Variants in TOPAZ1 observed in about 807,000 individuals in gnomAD.
TOPAZ1 encodes the protein testis and ovary specific TOPAZ 1, also known as protein TOPAZ1.
A neutral mutation model predicts 172.2 loss-of-function variants in TOPAZ1; 66 were observed. The ratio of observed to expected loss-of-function variants is 0.38; its 90% confidence interval spans 0.31 to 0.47. The LOEUF (loss-of-function observed/expected upper bound fraction) is 0.47. TOPAZ1 is among the 20% of genes least tolerant of loss of function. The pLI is 0.99. For synonymous variants in TOPAZ1, 681 were observed against 683.9 expected (o/e 1.00, Z 0.07); for missense variants, 1,822 against 1,972.4 (o/e 0.92, Z 1.44).
rs1402992878 is a variant in TOPAZ1 at position 44,245,160 on chromosome 3, C to T, written c.2654C>T (p.Thr885Ile). Residue 885 changes from threonine (T) to isoleucine (I), a missense_variant, in exon 2 of 20, where the codon ACT becomes ATT. Thr to Ile is a moderately conservative substitution (Grantham distance 89). This residue lies in a region of TOPAZ1 where 1,489 missense variants were observed against 1,490.8 expected (regional missense o/e 1.00). Coordinates refer to ENST00000309765, the MANE Select transcript of TOPAZ1 (RefSeq NM_001145030.2). ...GVSNEGELSF[T>I]SEVPKISQEP... ...TCCAATGAAGGGGAGCTCTCATTTACTTCTGAGGTCCCAAAGATAAGCCAG... is the reference window on the plus strand; with the variant it reads ...TCCAATGAAGGGGAGCTCTCATTTATTTCTGAGGTCCCAAAGATAAGCCAG... 1 of 1,551,880 alleles carries T rather than the reference C, an allele frequency of 6.4e-7. No homozygotes were observed. Among genetic ancestry groups the T allele is most frequent in the African/African-American group, 1.4e-5 (1 of 73,042 alleles).
At chr3:44,335,048 C>G (rs1415738538), downstream of TOPAZ1, among the ~76,000 whole-genome samples, 1 of 151,850 alleles carries the variant, frequency 6.6e-6, no homozygotes, top group African/African-American at 2.4e-5. Context: ...GTCCTAGGGC[C>G]CTTTTTCATC....
At chr3:44,289,688 G>T (rs1158691475) in intron 11 of TOPAZ1, among the ~76,000 whole-genome samples, 1 of 151,988 alleles carries the variant, frequency 6.6e-6, no homozygotes, top group African/African-American at 2.4e-5. Context: ...ATAATTGTGA[G>T]TTCTAACAGC....
intron 12 of TOPAZ1, among the ~76,000 whole-genome samples, chr3:44,300,594 A>AT (rs956703940): frequency 2.0e-5 from 3 of 151,960 alleles, no homozygotes; most frequent in Admixed American, 6.6e-5. Context: ...GAATAACAGA[A>AT]TTTTTTTTTA....
chr3:44,279,807 A>G (rs138084087), intron 8 of TOPAZ1, among the ~76,000 whole-genome samples: 289 of 152,300 alleles, frequency 1.9e-3, no homozygotes, highest in Middle Eastern at 6.8e-3. Flanking sequence ...ACTCCTTTAC[A>G]TTCAAGGTTA....
Position 44,321,169 on chromosome 3 carries a change from A to G in TOPAZ1, c.4449A>G (p.Leu1483=), listed in dbSNP as rs1198810331. The change falls in exon 17 of 20, where the codon CTA becomes CTG. Residue 1483 remains leucine (L), a synonymous_variant. Transcript: ENST00000309765. ...YRQTFEVLQN[L]PGFQNSQETV... is the part of the protein sequence containing the mutation. ...AGACATTTGAAGTTTTGCAGAATCTACCAGGTTTTCAAAATTCCCAAGGTA... is the reference window on the plus strand; with the variant it reads ...AGACATTTGAAGTTTTGCAGAATCTGCCAGGTTTTCAAAATTCCCAAGGTA... 3 of 1,543,208 alleles carry G rather than the reference A, an allele frequency of 1.9e-6. No homozygotes were observed. The highest frequency in any genetic ancestry group is 2.1e-5 in the Admixed American group (1 of 48,722).
At position 44,298,909 on chromosome 3, in the gene TOPAZ1, A is replaced by ATATATATT. The variant is rs1287571186; in HGVS notation, c.3798-5105_3798-5104insATATATTT. Among the ~76,000 whole-genome samples, 182 of 41,318 alleles carry ATATATATT rather than the reference A, an allele frequency of 4.4e-3. 5 individuals are homozygous for ATATATATT. Among genetic ancestry groups the ATATATATT allele is most frequent in the South Asian group, 7.8e-3 (4 of 510 alleles). The allele number at this position is 41,318 out of a possible 152,430, so 27.1% of individuals were successfully genotyped here. A position where few individuals can be genotyped will look rare whatever the true frequency, so the allele number is the denominator to read the frequency against. On this transcript the variant is annotated intron_variant, in intron 12 of 19. Transcript: ENST00000309765. ...ATATATATTATATATATATATATAT[A>ATATATATT]TTTTTTTTTTTTTTTTTTTTTTTTT...
At chr3:44,254,847 C>T in intron 2 of TOPAZ1, 121 bp from the exon 3 acceptor site, 1 of 638,138 alleles carries the variant, frequency 1.6e-6, no homozygotes, top group South Asian at 2.3e-5. Flanking sequence ...AAGTACTCTG[C>T]CCTGGAGGAC....
At chr3:44,302,592 T>C (rs957502736) in intron 12 of TOPAZ1, among the ~76,000 whole-genome samples, 3 of 152,176 alleles carry the variant, frequency 2.0e-5, no homozygotes, top group African/African-American at 2.4e-5. Context: ...GAAGCTTTAA[T>C]AGTATGTTTT....
rs1699534417 is a variant in TOPAZ1 at position 44,244,455 on chromosome 3, A to G, written c.1949A>G (p.Glu650Gly). ...NLTATSKDGQ[E>G]ANNSAGKTIH... ...ACAGCGACTTCCAAAGATGGTCAGGAAGCAAATAACTCTGCAGGCAAAACT... is the reference window on the plus strand; with the variant it reads ...ACAGCGACTTCCAAAGATGGTCAGGGAGCAAATAACTCTGCAGGCAAAACT... The change falls in exon 2 of 20, where the codon GAA becomes GGA. Residue 650 changes from glutamate (E) to glycine (G), a missense_variant. Coordinates refer to ENST00000309765, the MANE Select transcript of TOPAZ1 (RefSeq NM_001145030.2). 6.4e-7 allele frequency: 1 copy of G among 1,551,648 alleles called. No homozygotes were observed. Among genetic ancestry groups the G allele is most frequent in the Admixed American group, 2.0e-5 (1 of 50,980 alleles).
In TOPAZ1 at chr3:44,243,510, A is replaced by C. The variant is rs760061721; in HGVS notation, c.1004A>C (p.Lys335Thr). The stretch of plus-strand genomic sequence containing the variant: ...GGGCGAAAACCCAGGAAAAGGATGA[A>C]GTTGTCTGAAAAAGCAGATGAAACA... ...SVGRKPRKRM[K>T]LSEKADETVT... Residue 335 changes from lysine to threonine, a missense_variant, in exon 2 of 20, where the codon AAG becomes ACG. Coordinates refer to ENST00000309765, the MANE Select transcript of TOPAZ1 (RefSeq NM_001145030.2). 1 of 1,551,706 alleles carries C rather than the reference A, an allele frequency of 6.4e-7. No homozygotes were observed. The highest frequency in any genetic ancestry group is 2.4e-5 in the East Asian group (1 of 40,910).
chr3:44,249,312 G>A (rs1364997798), intron 2 of TOPAZ1, among the ~76,000 whole-genome samples: 2 of 152,074 alleles, frequency 1.3e-5, no homozygotes, highest in Non-Finnish European at 2.9e-5. Context: ...AGAGTAGTAG[G>A]AGTTTAGAAA....
rs1699702784 is a variant in TOPAZ1, at chr3:44,256,296, G to A, written c.2955+18G>A. 2 of 1,506,794 alleles carry A rather than the reference G, an allele frequency of 1.3e-6. No homozygotes were observed. The highest frequency in any genetic ancestry group is 2.9e-5 in the African/African-American group (2 of 69,720). 93.3% of individuals were successfully genotyped at this position (1,506,794 alleles called of 1,614,324 possible). ...ATGAAAAGGTACTAGGGGATCTTTTGTGTTTTTTTATTTCTTGGTCTTAAA... is the reference window on the plus strand; with the variant it reads ...ATGAAAAGGTACTAGGGGATCTTTTATGTTTTTTTATTTCTTGGTCTTAAA... On this transcript the variant is annotated intron_variant, in intron 4 of 19. Transcript: ENST00000309765.
chr3:44,274,561 A>AT (rs34971677), intron 8 of TOPAZ1, among the ~76,000 whole-genome samples: 67,352 of 144,292 alleles, frequency 0.47, 16,394 homozygotes, highest in East Asian at 0.8. Context: ...AAAGCCTTAA[A>AT]TTTTTTTTTT....
At chr3:44,246,894 G>T (rs1344160669) in intron 2 of TOPAZ1, among the ~76,000 whole-genome samples, 1 of 152,202 alleles carries the variant, frequency 6.6e-6, no homozygotes, top group African/African-American at 2.4e-5. Context: ...TTCCTTGGAG[G>T]AATACAAAGG....
chr3:44,333,243 A>G (rs1197804177), downstream of TOPAZ1, among the ~76,000 whole-genome samples: 1 of 152,150 alleles, frequency 6.6e-6, no homozygotes, highest in Non-Finnish European at 1.5e-5. Context: ...AAAATGCCTG[A>G]TTACTATCGA....
intron 9 of TOPAZ1, among the ~76,000 whole-genome samples, chr3:44,282,554 C>G (rs1468699159): frequency 7.2e-5 from 11 of 152,124 alleles, no homozygotes; most frequent in African/African-American, 1.4e-4. Flanking sequence ...AGGGCTAGGT[C>G]GTAGGAAATA....
intron 2 of TOPAZ1, among the ~76,000 whole-genome samples, chr3:44,250,910 G>A (rs188747845): frequency 6.6e-6 from 1 of 152,266 alleles, no homozygotes; most frequent in African/African-American, 2.4e-5. Context: ...TAACAGTATA[G>A]TGTGGCATCA....
At chr3:44,259,951 C>T (rs1699757108) in intron 4 of TOPAZ1, among the ~76,000 whole-genome samples, 1 of 152,178 alleles carries the variant, frequency 6.6e-6, no homozygotes, top group Non-Finnish European at 1.5e-5. Context: ...CCCTGCATGT[C>T]AAGGGAGAGA....
intron 16 of TOPAZ1, 124 bp downstream of exon 16, chr3:44,310,114 T>A: frequency 1.2e-6 from 1 of 811,574 alleles, no homozygotes. Flanking sequence ...CTAGTGAACA[T>A]GTGGGTAGGA....
Sources: allele counts gnomAD v4.1 joint callset (sites outside exome capture counted in the v4.1 genomes callset), GRCh38; gene constraint gnomAD v4.1.1; regional missense constraint gnomAD v4.1.1; transcripts MANE v1.5; gene names NCBI Gene and HGNC (gene_info 2026-07-23, HGNC 2026-07-21).